FER: variants seen among roughly 807,000 people sequenced by gnomAD.
FER encodes FER tyrosine kinase.
A neutral mutation model predicts 111.0 loss-of-function variants in FER; 63 were observed. That is an observed-to-expected ratio of 0.57 (90% CI 0.46 to 0.70). FER has a LOEUF of 0.70. FER is among the 30% of genes least tolerant of loss of function. FER has a pLI of 0.00. For synonymous variants in FER, 327 were observed against 313.9 expected, an observed-to-expected ratio of 1.04 and a Z score of -0.44; for missense variants, 914 against 954.0, an observed-to-expected ratio of 0.96 and a Z score of 0.55.
intron 16 of FER, among the ~76,000 whole-genome samples, chr5:109,097,159 A>G (rs995257316): frequency 4.0e-5 from 6 of 151,886 alleles, no homozygotes; most frequent in African/African-American, 1.4e-4. Context: ...AAGATTAAAC[A>G]GTTACCCAAA....
chr5:109,141,769 T>C (rs1377979451), intron 17 of FER, among the ~76,000 whole-genome samples: 1 of 152,192 alleles, frequency 6.6e-6, no homozygotes, highest in Admixed American at 6.6e-5. Context: ...CATGCCTGCA[T>C]TCAGTGTGGT....
chr5:108,873,954 ACATTC>A (rs776532276), intron 8 of FER, among the ~76,000 whole-genome samples: 21 of 152,228 alleles, frequency 1.4e-4, no homozygotes, highest in Non-Finnish European at 2.6e-4. Flanking sequence ...GTGCAGTGAG[ACATTC>A]CATTTCTCAA....
chr5:108,804,227 C>A (rs1455277734), intron 3 of FER, among the ~76,000 whole-genome samples: 2 of 152,006 alleles, frequency 1.3e-5, no homozygotes, highest in Non-Finnish European at 2.9e-5. Context: ...GTTTCAGGAG[C>A]CTTTTGGTGA....
At chr5:109,110,510 A>G (rs1749479218) in intron 17 of FER, among the ~76,000 whole-genome samples, 1 of 152,142 alleles carries the variant, frequency 6.6e-6, no homozygotes, top group African/African-American at 2.4e-5. Context: ...GTGAGTTGTT[A>G]CATGGCCAGA....
intron 17 of FER, among the ~76,000 whole-genome samples, chr5:109,115,804 T>G (rs1022193732): frequency 1.3e-5 from 2 of 152,094 alleles, no homozygotes; most frequent in Non-Finnish European, 2.9e-5. Flanking sequence ...TAATTCAAAA[T>G]TATAAAAAAT....
intron 10 of FER, among the ~76,000 whole-genome samples, chr5:108,938,841 C>A (rs1428994479): frequency 6.6e-6 from 1 of 151,952 alleles, no homozygotes; most frequent in Non-Finnish European, 1.5e-5. Context: ...CAAGACAAAG[C>A]CATGACTGAT....
intron 10 of FER, among the ~76,000 whole-genome samples, chr5:108,936,043 T>C (rs940071055): frequency 6.6e-6 from 1 of 152,076 alleles, no homozygotes; most frequent in Non-Finnish European, 1.5e-5. Context: ...TAATGATTAA[T>C]AGCAAAAAAT....
intron 2 of FER, among the ~76,000 whole-genome samples, chr5:108,772,947 A>G (rs974760458): frequency 6.6e-6 from 1 of 152,244 alleles, no homozygotes; most frequent in Non-Finnish European, 1.5e-5. Flanking sequence ...GTAAGCAAGT[A>G]CATAGAGACA....
At chr5:109,044,293 C>T (rs1018469330) in intron 14 of FER, among the ~76,000 whole-genome samples, 2 of 151,730 alleles carry the variant, frequency 1.3e-5, no homozygotes, top group African/African-American at 4.8e-5. Flanking sequence ...ATTCTCCTGC[C>T]TCAGCCTCCC....
rs548201377 is a variant in FER at position 108,904,611 on chromosome 5, G to A, written c.1236+6763G>A. On this transcript the variant is annotated intron_variant, in intron 10 of 19. Coordinates refer to ENST00000281092, the MANE Select transcript of FER (RefSeq NM_005246.4). Reference sequence around the variant, plus strand: ...AGAAATCATTGAGCGTTCTGAGTGAGGGAGTGACATTTTTACATGGTTTTC... The same window carrying A: ...AGAAATCATTGAGCGTTCTGAGTGAAGGAGTGACATTTTTACATGGTTTTC... Among the ~76,000 whole-genome samples, 30 of 152,304 alleles carry A rather than the reference G, an allele frequency of 2.0e-4. 1 individual carries two copies. In the South Asian group the frequency reaches 6.2e-3, roughly 32 times the overall value.
At chr5:108,850,931 T>C (rs1280259993) in intron 5 of FER, among the ~76,000 whole-genome samples, 1 of 152,204 alleles carries the variant, frequency 6.6e-6, no homozygotes, top group Non-Finnish European at 1.5e-5. Flanking sequence ...GTTTTGCTTC[T>C]TCCTATGAAG....
intron 17 of FER, among the ~76,000 whole-genome samples, chr5:109,176,691 T>C (rs911646417): frequency 1.6e-4 from 25 of 152,318 alleles, no homozygotes; most frequent in African/African-American, 5.5e-4. Context: ...CCTGATTTGA[T>C]CATTACATAT....
chr5:108,808,692 G>A (rs942179378), intron 3 of FER, among the ~76,000 whole-genome samples: 1 of 152,044 alleles, frequency 6.6e-6, no homozygotes, highest in Admixed American at 6.6e-5. Context: ...CCTTTATAGG[G>A]CCTGTGTGCA....
intron 17 of FER, among the ~76,000 whole-genome samples, chr5:109,128,903 T>C (rs1460223773): frequency 6.6e-6 from 1 of 152,034 alleles, no homozygotes; most frequent in Non-Finnish European, 1.5e-5. Context: ...AAAAAGAACT[T>C]TCCCATGTAT....
At chr5:109,046,087 C>T (rs1017231708) in intron 15 of FER, among the ~76,000 whole-genome samples, 4 of 151,764 alleles carry the variant, frequency 2.6e-5, no homozygotes, top group Non-Finnish European at 4.4e-5. Context: ...ATCCTACTTT[C>T]ATAGCCCTCT....
intron 13 of FER, among the ~76,000 whole-genome samples, chr5:108,971,722 C>T (rs1345520851): frequency 2.6e-5 from 4 of 151,910 alleles, no homozygotes; most frequent in Non-Finnish European, 5.9e-5. Flanking sequence ...TCAATTTTTC[C>T]TGAATAGAAT....
chr5:108,866,837 T>G (rs1214304073), intron 5 of FER, among the ~76,000 whole-genome samples: 1 of 152,204 alleles, frequency 6.6e-6, no homozygotes, highest in Non-Finnish European at 1.5e-5. Flanking sequence ...TAAGATCTGC[T>G]TAAAATTTTC....
intron 10 of FER, among the ~76,000 whole-genome samples, chr5:108,913,876 A>G (rs1236438655): frequency 6.6e-6 from 1 of 152,232 alleles, no homozygotes; most frequent in East Asian, 1.9e-4. Flanking sequence ...TACAAAAATA[A>G]TGCTAAGTGA....
chr5:108,853,998 AAGAAGTGCTG>A (rs1762766865), intron 5 of FER, among the ~76,000 whole-genome samples: 1 of 152,176 alleles, frequency 6.6e-6, no homozygotes, highest in Non-Finnish European at 1.5e-5. Flanking sequence ...TTGGTAGCAA[AAGAAGTGCTG>A]AGAAGTGCTC....
Sources: gnomAD v4.1 joint callset for allele counts (sites outside exome capture counted in the v4.1 genomes callset) on GRCh38, gnomAD v4.1.1 for gene constraint, MANE v1.5 for transcripts, NCBI Gene and HGNC (gene_info 2026-07-23, HGNC 2026-07-21) for gene names.